Variants in ZFHX3 observed in about 807,000 individuals in gnomAD.
ZFHX3 encodes zinc finger homeobox 3.
Under a neutral mutation model 279.1 loss-of-function variants are expected in ZFHX3, and 42 were observed. That is an observed-to-expected ratio of 0.15 (90% CI 0.12 to 0.19). ZFHX3 has a LOEUF of 0.19. ZFHX3 is among the 10% of genes least tolerant of loss of function. ZFHX3 has a pLI of 1.00. For missense variants in ZFHX3, 4,981 were observed against 4,754.0 expected (o/e 1.05, Z -1.40); for synonymous variants, 2,293 against 1,957.8 (o/e 1.17, Z -4.52).
chr16:73,877,783 T>C (rs1314542815), intron 1 of ZFHX3, among the ~76,000 whole-genome samples: 1 of 152,060 alleles, frequency 6.6e-6, no homozygotes, highest in Non-Finnish European at 1.5e-5. Context: ...AAAGAGAACA[T>C]GGAAGCCTCA....
chr16:73,817,078 G>T (rs924715605), intron 1 of ZFHX3, among the ~76,000 whole-genome samples: 1 of 152,166 alleles, frequency 6.6e-6, no homozygotes, highest in Admixed American at 6.5e-5. Context: ...CTGGGATGGC[G>T]ATGAGGAAGG....
At position 73,196,594 on chromosome 16, in the gene ZFHX3, AG is replaced by A. The variant is rs1188128307; in HGVS notation, c.-1103-52764del. Among the ~76,000 whole-genome samples, 10 of 152,142 alleles carry A rather than the reference AG, an allele frequency of 6.6e-5. No individual in the cohort carries two copies. In the East Asian group the frequency reaches 9.7e-4, roughly 15 times the overall value. ...CCATCCTGGCCAGAAAAAAAAAAAA[AG>A]TGTTCTCCTGGTTTGAGAGAATCTG... is the stretch of plus-strand genomic sequence containing the variant. On this transcript the variant is annotated intron_variant, in intron 5 of 17. Transcript: ENST00000641206.
In ZFHX3 at chr16:72,788,420, C is replaced by T; in HGVS notation, c.9856G>A (p.Ala3286Thr). 6.2e-7 allele frequency: 1 copy of T among 1,614,220 alleles called. No individual in the cohort carries two copies. The highest frequency in any genetic ancestry group is 8.5e-7 in the Non-Finnish European group (1 of 1,180,046). ...LPTMEYAVDPAQLQALQAALT... is the reference protein window; with the variant it reads ...LPTMEYAVDPTQLQALQAALT... ...GCGGCCTGCAGGGCCTGCAGCTGTG[C>T]AGGGTCTACCGCATACTCCATGGTG... is the stretch of plus-strand genomic sequence containing the variant. The change falls in exon 10 of 10, where the codon GCA (alanine) becomes ACA (threonine). Residue 3286 changes from alanine (A) to threonine (T), a missense_variant. Physicochemically the swap from Ala to Thr is moderately conservative, Grantham distance 58. This residue lies in a region of ZFHX3 where 1,034 missense variants were observed against 786.0 expected (regional missense o/e 1.32). Transcript: ENST00000268489.
At chr16:72,904,249 C>T (rs112063331) in intron 3 of ZFHX3, among the ~76,000 whole-genome samples, 25,496 of 151,786 alleles carry the variant, frequency 0.17, 3,108 homozygotes, top group East Asian at 0.62. Flanking sequence ...TCCTATAATC[C>T]CAGCTACTTG....
chr16:72,978,437 T>C (rs1004252631), intron 1 of ZFHX3, among the ~76,000 whole-genome samples: 1 of 152,054 alleles, frequency 6.6e-6, no homozygotes, highest in African/African-American at 2.4e-5. Context: ...GATGGGAAAT[T>C]CCATTAGAAG....
intron 3 of ZFHX3, among the ~76,000 whole-genome samples, chr16:73,388,656 G>C (rs2016949893): frequency 6.6e-6 from 1 of 152,128 alleles, no homozygotes; most frequent in African/African-American, 2.4e-5. Context: ...TTCCTCCTGA[G>C]AGTCGAAGAC....
intron 4 of ZFHX3, among the ~76,000 whole-genome samples, chr16:73,289,337 G>A (rs985400125): frequency 1.3e-5 from 2 of 151,956 alleles, no homozygotes; most frequent in Non-Finnish European, 2.9e-5. Context: ...AGGGCAGGGT[G>A]GGGGGAGGTA....
intron 1 of ZFHX3, among the ~76,000 whole-genome samples, chr16:73,755,169 C>T (rs555709808): frequency 6.6e-6 from 1 of 152,184 alleles, no homozygotes; most frequent in Non-Finnish European, 1.5e-5. Context: ...CTCATCCGTA[C>T]TCCCTGATTA....
intron 4 of ZFHX3, among the ~76,000 whole-genome samples, chr16:73,294,992 T>A (rs1186597883): frequency 6.6e-6 from 1 of 151,664 alleles, no homozygotes. Flanking sequence ...GACGGGCGGA[T>A]CACGAGGTCA....
At chr16:73,445,853 A>C (rs1251899889) in intron 3 of ZFHX3, among the ~76,000 whole-genome samples, 2 of 150,408 alleles carry the variant, frequency 1.3e-5, no homozygotes, top group Non-Finnish European at 3.0e-5. Flanking sequence ...CTTTCCCCTG[A>C]GGTGGAATAA....
chr16:73,353,901 G>T (rs544632956), intron 3 of ZFHX3, among the ~76,000 whole-genome samples: 2 of 152,158 alleles, frequency 1.3e-5, no homozygotes, highest in Non-Finnish European at 2.9e-5. Flanking sequence ...TTTATGGAGA[G>T]CATAAAATAC....
intron 1 of ZFHX3, among the ~76,000 whole-genome samples, chr16:72,977,816 G>T (rs1272402109): frequency 6.6e-6 from 1 of 152,078 alleles, no homozygotes; most frequent in Non-Finnish European, 1.5e-5. Context: ...GAATTCAGGG[G>T]AAGTGAGAAG....
intron 1 of ZFHX3, among the ~76,000 whole-genome samples, chr16:72,981,752 C>G (rs1334400799): frequency 1.3e-5 from 2 of 152,164 alleles, no homozygotes; most frequent in Non-Finnish European, 2.9e-5. Flanking sequence ...CAGAAGCACT[C>G]TGTGCAATGG....
chr16:73,770,423 A>G (rs328355), intron 1 of ZFHX3, among the ~76,000 whole-genome samples: 103,269 of 152,118 alleles, frequency 0.68, 35,175 homozygotes, highest in East Asian at 0.79. Flanking sequence ...ATATAAAATC[A>G]TAAACTTGTA....
intron 3 of ZFHX3, among the ~76,000 whole-genome samples, chr16:73,322,866 C>T (rs942082290): frequency 6.6e-6 from 1 of 152,188 alleles, no homozygotes; most frequent in Middle Eastern, 3.2e-3. Flanking sequence ...GTCTAGCTGA[C>T]GGTCAGCAAA....
chr16:72,933,290 G>GTT, intron 3 of ZFHX3, among the ~76,000 whole-genome samples: 1 of 151,504 alleles, frequency 6.6e-6, no homozygotes, highest in South Asian at 2.1e-4. Flanking sequence ...TGTCTTCAGA[G>GTT]ACACAACAGA....
rs1489735345 is a variant in ZFHX3, at chr16:72,784,251, TG to T, written c.*2912del. 3 of 129,276 alleles carry T rather than the reference TG, an allele frequency of 2.3e-5. No homozygotes were observed. The highest frequency in any genetic ancestry group is 3.1e-5 in the Non-Finnish European group (2 of 63,684). 8.0% of individuals were successfully genotyped at this position (129,276 alleles called of 1,614,324 possible). A position where few individuals can be genotyped will look rare whatever the true frequency, so the allele number is the denominator to read the frequency against. On this transcript the variant is annotated 3_prime_UTR_variant, in exon 10 of 10. Transcript: ENST00000268489. The stretch of plus-strand genomic sequence containing the variant: ...GAGGGAGGATGGCATAGTAGCTCCA[TG>T]AAAAAAAAAAACAAAAACAAAAACA...
chr16:73,033,341 C>G (rs1009521002), intron 1 of ZFHX3, among the ~76,000 whole-genome samples: 1 of 151,284 alleles, frequency 6.6e-6, no homozygotes, highest in Non-Finnish European at 1.5e-5. Context: ...CAGGCGCCTC[C>G]GAGGGTTCGT....
intron 3 of ZFHX3, among the ~76,000 whole-genome samples, chr16:73,408,523 C>T (rs1416417862): frequency 6.6e-6 from 1 of 152,222 alleles, no homozygotes; most frequent in African/African-American, 2.4e-5. Context: ...GGAATCCCAA[C>T]AGCTGGAAGT....
Sources: gnomAD v4.1 joint callset for allele counts (sites outside exome capture counted in the v4.1 genomes callset) on GRCh38, gnomAD v4.1.1 for gene constraint, gnomAD v4.1.1 regional missense constraint, MANE v1.5 for transcripts, NCBI Gene and HGNC (gene_info 2026-07-23, HGNC 2026-07-21) for gene names.